PRKN: variants seen among roughly 807,000 people sequenced by gnomAD.
PRKN encodes the protein E3 ubiquitin-protein ligase parkin.
A neutral mutation model predicts 59.5 loss-of-function variants in PRKN; 56 were observed. The observed-to-expected ratio is 0.94, with a 90% CI of 0.76 to 1.18. The LOEUF (loss-of-function observed/expected upper bound fraction) is 1.18. PRKN is among the 50% of genes most tolerant of loss of function. The pLI, the probability that PRKN is intolerant of heterozygous loss-of-function variation, is 0.00. For synonymous variants in PRKN, 250 were observed against 222.1 expected, an observed-to-expected ratio of 1.13 and a Z score of -1.12; for missense variants, 657 against 596.4, an observed-to-expected ratio of 1.10 and a Z score of -1.06.
At chr6:161,966,492 A>G (rs903270361) in intron 6 of PRKN, among the ~76,000 whole-genome samples, 9 of 152,264 alleles carry the variant, frequency 5.9e-5, no homozygotes, top group Non-Finnish European at 8.8e-5. Flanking sequence ...TACCTGTGCC[A>G]TTTTTATATG....
rs554376117 is a variant in PRKN at position 161,483,458 on chromosome 6, G to T, written c.1083+65396C>A. On this transcript the variant is annotated intron_variant, in intron 9 of 11. Coordinates refer to ENST00000366898, the MANE Select transcript of PRKN (RefSeq NM_004562.3). This position sits in a 1 kb window ranked among gnomAD's most constrained non-coding sequence, Gnocchi z 5.0. ...GATGCTTGCCTTCATGAACTTTCAG[G>T]CCTCATCTATAAGGTCAGGAAAGGG... 6.6e-6 allele frequency among the ~76,000 whole-genome samples: 1 copy of T among 152,140 alleles called. No individual in the cohort carries two copies. Among genetic ancestry groups the T allele is most frequent in the Non-Finnish European group, 1.5e-5 (1 of 68,020 alleles).
chr6:162,456,461 C>T (rs1250246073), intron 1 of PRKN, among the ~76,000 whole-genome samples: 1 of 151,978 alleles, frequency 6.6e-6, no homozygotes, highest in Non-Finnish European at 1.5e-5. Context: ...AATACTAAGG[C>T]TTATGGTACA....
At chr6:162,115,462 T>A (rs1780629080) in intron 4 of PRKN, among the ~76,000 whole-genome samples, 1 of 151,752 alleles carries the variant, frequency 6.6e-6, no homozygotes, top group Non-Finnish European at 1.5e-5. Flanking sequence ...AACCTGCACA[T>A]TGTGCACATG....
At chr6:162,490,449 G>C (rs1313378562) in intron 1 of PRKN, among the ~76,000 whole-genome samples, 1 of 152,084 alleles carries the variant, frequency 6.6e-6, no homozygotes, top group Non-Finnish European at 1.5e-5. Context: ...CCTAGTCAGT[G>C]CAACAAAAAA....
intron 7 of PRKN, among the ~76,000 whole-genome samples, chr6:161,746,586 T>TACAC (rs201173808): frequency 6.8e-6 from 1 of 146,074 alleles, no homozygotes; most frequent in African/African-American, 2.5e-5. Flanking sequence ...TATATATATA[T>TACAC]ACACACACAC....
At chr6:162,627,552 G>A (rs1454753612) in intron 1 of PRKN, among the ~76,000 whole-genome samples, 2 of 151,970 alleles carry the variant, frequency 1.3e-5, no homozygotes, top group East Asian at 3.9e-4. Flanking sequence ...TTGGAGGCGA[G>A]GGAGACTGGT....
intron 1 of PRKN, among the ~76,000 whole-genome samples, chr6:162,670,977 G>A (rs768052837): frequency 1.3e-5 from 2 of 152,068 alleles, no homozygotes; most frequent in Non-Finnish European, 2.9e-5. Flanking sequence ...AATACCATTC[G>A]ATTGTTGAAG....
At chr6:162,721,209 G>A (rs564749851) in intron 1 of PRKN, among the ~76,000 whole-genome samples, 2 of 152,100 alleles carry the variant, frequency 1.3e-5, no homozygotes, top group East Asian at 1.9e-4. Flanking sequence ...GTTTATAAAC[G>A]CTTGTTCTCC....
intron 6 of PRKN, among the ~76,000 whole-genome samples, chr6:161,862,854 G>A (rs1039296901): frequency 3.9e-5 from 6 of 152,162 alleles, no homozygotes; most frequent in African/African-American, 1.4e-4. Context: ...GCTATTTCCT[G>A]TTTGGTTTGT....
At position 161,575,159 on chromosome 6, in the gene PRKN, A is replaced by G. The variant is rs937570897; in HGVS notation, c.872-5743T>C. ...TGAATACCAGCTTTTTGGTGTTAAA[A>G]ATGAATAAGACAATTTGTTAAAAAG... On this transcript the variant is annotated intron_variant, in intron 7 of 11. Transcript: ENST00000366898. This position sits in a 1 kb window ranked among gnomAD's most constrained non-coding sequence, Gnocchi z 4.6. Among the ~76,000 whole-genome samples the G allele has an allele frequency of 2.0e-5, 3 of 152,204 alleles. No homozygotes were observed. Among genetic ancestry groups the G allele is most frequent in the African/African-American group, 7.2e-5 (3 of 41,458 alleles).
intron 1 of PRKN, among the ~76,000 whole-genome samples, chr6:162,679,967 G>T (rs1257663632): frequency 1.3e-5 from 2 of 152,120 alleles, no homozygotes; most frequent in Non-Finnish European, 2.9e-5. Context: ...CTTGCTCATT[G>T]TTTGGGTATA....
chr6:161,361,321 T>A lies in PRKN; in HGVS notation c.1168-1116A>T, dbSNP rs937484150. On this transcript the variant is annotated intron_variant, in intron 10 of 11. Transcript: ENST00000366898. This position sits in a 1 kb window ranked among gnomAD's most constrained non-coding sequence, Gnocchi z 5.2. ...TTCTTTAGGAATTAGTGTTCATGTT[T>A]CTGTTATTTCTGTGGAAAGTCAATT... Among the ~76,000 whole-genome samples, 1 of 152,218 alleles carries A rather than the reference T, an allele frequency of 6.6e-6. No homozygotes were observed. The highest frequency in any genetic ancestry group is 1.5e-5 in the Non-Finnish European group (1 of 68,034).
chr6:161,907,837 G>C (rs538707801), intron 6 of PRKN, among the ~76,000 whole-genome samples: 21 of 152,226 alleles, frequency 1.4e-4, no homozygotes, highest in African/African-American at 4.6e-4. Flanking sequence ...CAGCACTTTG[G>C]GAGGCCAAGG....
chr6:162,575,415 G>A (rs771720258), intron 1 of PRKN, among the ~76,000 whole-genome samples: 1 of 152,132 alleles, frequency 6.6e-6, no homozygotes, highest in Admixed American at 6.5e-5. Context: ...AATTCCTGAA[G>A]ACATCCTGGC....
At chr6:162,219,629 A>G (rs1328491038) in intron 3 of PRKN, among the ~76,000 whole-genome samples, 1 of 151,532 alleles carries the variant, frequency 6.6e-6, no homozygotes, top group Non-Finnish European at 1.5e-5. Context: ...AAAAAAAAAC[A>G]TACTTCAGGG....
intron 9 of PRKN, among the ~76,000 whole-genome samples, chr6:161,490,672 T>A (rs1302080292): frequency 6.6e-6 from 1 of 152,092 alleles, no homozygotes; most frequent in Non-Finnish European, 1.5e-5. Context: ...ATTACAGGTG[T>A]GAGCCACTGT....
chr6:162,344,628 C>T (rs111651856), intron 2 of PRKN, among the ~76,000 whole-genome samples: 111 of 147,376 alleles, frequency 7.5e-4, no homozygotes, highest in African/African-American at 2.7e-3. Flanking sequence ...TATGATGCCC[C>T]CTGCCCACCG....
intron 5 of PRKN, among the ~76,000 whole-genome samples, chr6:162,039,387 G>A (rs1216784564): frequency 1.3e-5 from 2 of 152,142 alleles, no homozygotes; most frequent in Admixed American, 6.5e-5. Flanking sequence ...CTGGTGGGAC[G>A]TGTTTGGATC....
At chr6:162,570,784 A>T (rs550639543) in intron 1 of PRKN, among the ~76,000 whole-genome samples, 1 of 152,318 alleles carries the variant, frequency 6.6e-6, no homozygotes, top group East Asian at 1.9e-4. Context: ...ATGGACATAG[A>T]GAGTAGGAGA....
Sources: allele counts gnomAD v4.1 joint callset (sites outside exome capture counted in the v4.1 genomes callset), GRCh38; gene constraint gnomAD v4.1.1; non-coding constraint Gnocchi (gnomAD v3.1); transcripts MANE v1.5; gene names NCBI Gene and HGNC (gene_info 2026-07-23, HGNC 2026-07-21).